SIX1: variants seen among roughly 807,000 people sequenced by gnomAD.
The protein encoded by SIX1 is homeobox protein SIX1.
SIX1 carries 11 observed loss-of-function variants against 26.5 expected under a neutral mutation model. The ratio of observed to expected loss-of-function variants is 0.41; its 90% CI spans 0.26 to 0.69. The LOEUF (loss-of-function observed/expected upper bound fraction) is 0.69. Among genes scored for constraint, SIX1 ranks in the 30% least tolerant of loss-of-function variants. SIX1 has a pLI of 0.28. For synonymous variants in SIX1, 177 were observed against 166.2 expected (o/e 1.06, Z -0.50); for missense variants, 333 against 365.9 (o/e 0.91, Z 0.73).
chr14:60,646,495 T>TG lies in SIX1; in HGVS notation c.642dup (p.Ser215GlnfsTer91), dbSNP rs1894943577. 1 of 1,613,642 alleles carries TG rather than the reference T, an allele frequency of 6.2e-7. No individual in the cohort carries two copies. The highest frequency in any genetic ancestry group is 8.5e-7 in the Non-Finnish European group (1 of 1,179,938). On this transcript the variant is annotated frameshift_variant, in exon 2 of 2. Transcript: ENST00000645694. LOFTEE classifies it high-confidence loss of function. The stretch of plus-strand genomic sequence containing the variant: ...GGAGGTGAGAATTCCTCTTCTGAGC[T>TG]GGACATGAGCGGCTTGCCCCCTTCC...
intron 1 of SIX1, 114 bp from the exon 2 acceptor site, chr14:60,646,691 G>A: frequency 1.1e-6 from 1 of 930,946 alleles, no homozygotes; most frequent in Non-Finnish European, 1.6e-6. Flanking sequence ...AAGGGCCATT[G>A]TGCAATCTGT....
rs1260147816 is a variant in SIX1 at position 60,647,945 on chromosome 14, C to G, written c.560+685G>C. ...CGTCTGGGCATGCGGCGCGGTCAGC[C>G]AGACCGACGGGCTGCAGTGCCGGGC... On this transcript the variant is annotated intron_variant, in intron 1 of 1. Coordinates refer to ENST00000645694, the MANE Select transcript of SIX1 (RefSeq NM_005982.4). This position sits in a 1 kb window ranked among gnomAD's most constrained non-coding sequence, Gnocchi z 5.1. Among the ~76,000 whole-genome samples the G allele has an allele frequency of 6.6e-6, 1 of 152,256 alleles. No homozygotes were observed. Among genetic ancestry groups the G allele is most frequent in the Admixed American group, 6.5e-5 (1 of 15,288 alleles).
In SIX1 at chr14:60,649,350, C is replaced by G. The variant is rs886050573; in HGVS notation, c.-161G>C. ...GGAGTCGGAACTTGGCGGTGGGCGG[C>G]CAAGGAAGAGAAGGCGGAGGAGTAG... On this transcript the variant is annotated 5_prime_UTR_variant, in exon 1 of 2. Transcript: ENST00000645694. The surrounding 1 kb of genome is among the most constrained non-coding windows in gnomAD (Gnocchi z 5.1). 4.1e-5 allele frequency: 26 copies of G among 636,072 alleles called. No homozygotes were observed. The highest frequency in any genetic ancestry group is 7.0e-5 in the Non-Finnish European group (26 of 369,000). The allele number at this position is 636,072 out of a possible 1,614,324, so 39.4% of individuals were successfully genotyped here.
At position 60,644,621 on chromosome 14, in the gene SIX1, T is replaced by A. The variant is rs754653439; in HGVS notation, c.*1662A>T. 2.0e-5 allele frequency: 3 copies of A among 152,186 alleles called. No individual in the cohort carries two copies. Among genetic ancestry groups the A allele is most frequent in the Non-Finnish European group, 4.4e-5 (3 of 68,030 alleles). 9.4% of individuals were successfully genotyped at this position (152,186 alleles called of 1,614,324 possible). A position where few individuals can be genotyped will look rare whatever the true frequency, so the allele number is the denominator to read the frequency against. Reference sequence around the variant, plus strand: ...AATTATAGATGGGAAAAAATCAAAATTATGAAACTGTCATGTCAGAAAATA... The same window carrying A: ...AATTATAGATGGGAAAAAATCAAAAATATGAAACTGTCATGTCAGAAAATA... On this transcript the variant is annotated 3_prime_UTR_variant, in exon 2 of 2. Coordinates refer to ENST00000645694, the MANE Select transcript of SIX1 (RefSeq NM_005982.4).
rs757802086 is a variant in SIX1 at position 60,644,999 on chromosome 14, G to C, written c.*1284C>G. 2.0e-5 allele frequency: 3 copies of C among 152,102 alleles called. No individual in the cohort carries two copies. The highest frequency in any genetic ancestry group is 4.4e-5 in the Non-Finnish European group (3 of 68,014). 9.4% of individuals were successfully genotyped at this position (152,102 alleles called of 1,614,324 possible). On this transcript the variant is annotated 3_prime_UTR_variant, in exon 2 of 2. Coordinates refer to ENST00000645694, the MANE Select transcript of SIX1 (RefSeq NM_005982.4). ...TTGTCATAAACTTGTTAACACAAAA[G>C]AGCTTAGTTAACATATGAATGCTGT...
rs1301445039 is a variant in SIX1 at position 60,646,330 on chromosome 14, A to T, written c.808T>A (p.Ser270Thr). ...LQTHQHQLQD[S>T]LLGPLTSSLV... ...CTGGAGGTGAGGGGGCCGAGCAGAG[A>T]GTCTTGGAGCTGATGCTGGTGGGTC... The change falls in exon 2 of 2, where the codon TCT becomes ACT. Residue 270 changes from serine (S) to threonine (T), a missense_variant. By Grantham distance (58) the Ser-to-Thr change is moderately conservative. Coordinates refer to ENST00000645694, the MANE Select transcript of SIX1 (RefSeq NM_005982.4). 10 of 1,613,548 alleles carry T rather than the reference A, an allele frequency of 6.2e-6. No homozygotes were observed. The highest frequency in any genetic ancestry group is 7.6e-6 in the Non-Finnish European group (9 of 1,179,738).
rs1894969668 is a variant in SIX1, at chr14:60,647,492, C to CGA, written c.561-917_561-916dup. On this transcript the variant is annotated intron_variant, in intron 1 of 1. Transcript: ENST00000645694. The surrounding 1 kb of genome is among the most constrained non-coding windows in gnomAD (Gnocchi z 5.1). ...CGCTTCCCTCGCCGCTTCCGCCTTC[C>CGA]GAGTGCTCGTCAGTCCTCCCGACTC... Among the ~76,000 whole-genome samples, 1 of 152,338 alleles carries CGA rather than the reference C, an allele frequency of 6.6e-6. No individual in the cohort carries two copies. Among genetic ancestry groups the CGA allele is most frequent in the East Asian group, 1.9e-4 (1 of 5,182 alleles).
In SIX1 at chr14:60,647,070, G is replaced by C. The variant is rs144237114; in HGVS notation, c.561-493C>G. On this transcript the variant is annotated intron_variant, in intron 1 of 1. Transcript: ENST00000645694. This position sits in a 1 kb window ranked among gnomAD's most constrained non-coding sequence, Gnocchi z 5.1. ...CCATTGCCTTGTTCGCATATGAGGA[G>C]ACAATTAAACATCCCGTTTTCCTGC... 3.9e-5 allele frequency among the ~76,000 whole-genome samples: 6 copies of C among 152,278 alleles called. No homozygotes were observed. The East Asian group carries it at 1.2e-3, about 29-fold the overall frequency.
In SIX1 at chr14:60,644,951, AAATT is replaced by A; in HGVS notation, c.*1328_*1331del. On this transcript the variant is annotated 3_prime_UTR_variant, in exon 2 of 2. Transcript: ENST00000645694. The stretch of plus-strand genomic sequence containing the variant: ...TTCCCTTTTTTGTCTTCAAGCAGAT[AAATT>A]ATTTTTACTTTCACAGTCTTGTCAT... 6.6e-6 allele frequency: 1 copy of A among 152,360 alleles called. No individual in the cohort carries two copies. Among genetic ancestry groups the A allele is most frequent in the Admixed American group, 6.5e-5 (1 of 15,306 alleles). 9.4% of individuals were successfully genotyped at this position (152,360 alleles called of 1,614,324 possible).
At chr14:60,646,607 T>TAAAAAAAAAAAAAAAAAAAAAAAGA in intron 1 of SIX1, 30 bp from the exon 2 acceptor site, 2 of 831,216 alleles carry the variant, frequency 2.4e-6, no homozygotes, top group Non-Finnish European at 3.4e-6. Context: ...ACCATATGGT[T>TAAAAAAAAAAAAAAAAAAAAAAAGA]AAAAAAAAAA....
chr14:60,643,743 A>C lies in SIX1; in HGVS notation c.*2540T>G, dbSNP rs1453324891. The C allele has an allele frequency of 1.1e-4, 16 of 152,332 alleles. No individual in the cohort carries two copies. The highest frequency in any genetic ancestry group is 9.1e-4 in the Admixed American group (14 of 15,306). 9.4% of individuals were successfully genotyped at this position (152,332 alleles called of 1,614,324 possible). A position where few individuals can be genotyped will look rare whatever the true frequency, so the allele number is the denominator to read the frequency against. On this transcript the variant is annotated 3_prime_UTR_variant, in exon 2 of 2. Coordinates refer to ENST00000645694, the MANE Select transcript of SIX1 (RefSeq NM_005982.4). ...CTGCTCGCCCCTTTTACCCAGACTG[A>C]GCCGAGGATGGCGGAAGGAGGCACA...
Position 60,648,776 on chromosome 14 carries a change from G to A in SIX1, c.414C>T (p.Val138=), listed in dbSNP as rs572940248. The change falls in exon 1 of 2, where the codon GTC becomes GTT. Residue 138 remains valine (V), a synonymous_variant. Coordinates refer to ENST00000645694, the MANE Select transcript of SIX1 (RefSeq NM_005982.4). The surrounding 1 kb of genome is among the most constrained non-coding windows in gnomAD (Gnocchi z 7.9). ...SYCFKEKSRG[V]LREWYAHNPY... The stretch of plus-strand genomic sequence containing the variant: ...GATTGTGCGCGTACCACTCCCGCAG[G>A]ACACCCCTCGACTTCTCCTTGAAGC... 9 of 1,614,186 alleles carry A rather than the reference G, an allele frequency of 5.6e-6. No individual in the cohort carries two copies. The Admixed American group carries it at 8.3e-5, about 15-fold the overall frequency.
In SIX1 at chr14:60,646,577, C is replaced by T. The variant is rs768168468; in HGVS notation, c.561G>A (p.Arg187=). 1.9e-6 allele frequency: 3 copies of T among 1,595,830 alleles called. No individual in the cohort carries two copies. The highest frequency in any genetic ancestry group is 2.2e-5 in the East Asian group (1 of 44,688). The part of the protein sequence containing the change: ...QRDRAAEAKE[R]ENTENNNSSS... ...AGGAGTTATTGTTTTCGGTGTTCTC[C>T]CTAAGAAATAGAGGACAACACCATA... is the stretch of plus-strand genomic sequence containing the variant. Residue 187 remains arginine (R), a splice_region_variant and synonymous_variant, in exon 2 of 2, where the codon AGG becomes AGA. Coordinates refer to ENST00000645694, the MANE Select transcript of SIX1 (RefSeq NM_005982.4).
chr14:60,649,114 T>G lies in SIX1; in HGVS notation c.76A>C (p.Asn26His). The G allele has an allele frequency of 1.2e-6, 2 of 1,613,256 alleles. No individual in the cohort carries two copies. The highest frequency in any genetic ancestry group is 1.7e-6 in the Non-Finnish European group (2 of 1,179,752). The change falls in exon 1 of 2, where the codon AAC becomes CAC. Residue 26 changes from asparagine to histidine, a missense_variant. Asn to His is a moderately conservative substitution (Grantham distance 68). Transcript: ENST00000645694. This position sits in a 1 kb window ranked among gnomAD's most constrained non-coding sequence, Gnocchi z 5.1. The stretch of plus-strand genomic sequence containing the variant: ...AGGAACCTGCCCAGGCGCTCCAGGT[T>G]TCCGCCTTGCTGCAGAACCTCGCAC... ...CVCEVLQQGG[N>H]LERLGRFLWS... is the part of the protein sequence containing the mutation.
In SIX1 at chr14:60,643,963, T is replaced by C. The variant is rs1222111875; in HGVS notation, c.*2320A>G. 1 of 152,012 alleles carries C rather than the reference T, an allele frequency of 6.6e-6. No homozygotes were observed. Among genetic ancestry groups the C allele is most frequent in the Non-Finnish European group, 1.5e-5 (1 of 68,022 alleles). 9.4% of individuals were successfully genotyped at this position (152,012 alleles called of 1,614,324 possible). On this transcript the variant is annotated 3_prime_UTR_variant, in exon 2 of 2. Coordinates refer to ENST00000645694, the MANE Select transcript of SIX1 (RefSeq NM_005982.4). Reference sequence around the variant, plus strand: ...GCAGACATTTCCAAGATTCACCAACTAAGGGAGCAGGAAGTGGGCCGGGGC... The same window carrying C: ...GCAGACATTTCCAAGATTCACCAACCAAGGGAGCAGGAAGTGGGCCGGGGC...
chr14:60,649,365 C>T lies in SIX1; in HGVS notation c.-176G>A. 2 of 613,756 alleles carry T rather than the reference C, an allele frequency of 3.3e-6. No individual in the cohort carries two copies. Among genetic ancestry groups the T allele is most frequent in the Non-Finnish European group, 5.7e-6 (2 of 349,216 alleles). 38.0% of individuals were successfully genotyped at this position (613,756 alleles called of 1,614,324 possible). The stretch of plus-strand genomic sequence containing the variant: ...CGGTGGGCGGCCAAGGAAGAGAAGG[C>T]GGAGGAGTAGGGGAGGTTCTGGACA... On this transcript the variant is annotated 5_prime_UTR_variant, in exon 1 of 2. Transcript: ENST00000645694. This position sits in a 1 kb window ranked among gnomAD's most constrained non-coding sequence, Gnocchi z 5.1.
rs1397666706 is a variant in SIX1, at chr14:60,644,405, C to G, written c.*1878G>C. 1 of 151,726 alleles carries G rather than the reference C, an allele frequency of 6.6e-6. No homozygotes were observed. Among genetic ancestry groups the G allele is most frequent in the East Asian group, 1.9e-4 (1 of 5,194 alleles). The allele number at this position is 151,726 out of a possible 1,614,324, so 9.4% of individuals were successfully genotyped here. On this transcript the variant is annotated 3_prime_UTR_variant, in exon 2 of 2. Coordinates refer to ENST00000645694, the MANE Select transcript of SIX1 (RefSeq NM_005982.4). ...AGTGGCTGTGTGCACATCTGTCCAT[C>G]ACTGAGGGGGAAAAACGACTTTATA...
chr14:60,643,767 C>T lies in SIX1; in HGVS notation c.*2516G>A, dbSNP rs1894896788. 6.6e-6 allele frequency: 1 copy of T among 152,192 alleles called. No homozygotes were observed. Among genetic ancestry groups the T allele is most frequent in the Non-Finnish European group, 1.5e-5 (1 of 68,038 alleles). 9.4% of individuals were successfully genotyped at this position (152,192 alleles called of 1,614,324 possible). A position where few individuals can be genotyped will look rare whatever the true frequency, so the allele number is the denominator to read the frequency against. ...GAGCCGAGGATGGCGGAAGGAGGCA[C>T]ATTGTGCAATTTCTTATTAAACACA... On this transcript the variant is annotated 3_prime_UTR_variant, in exon 2 of 2. Coordinates refer to ENST00000645694, the MANE Select transcript of SIX1 (RefSeq NM_005982.4).
In SIX1 at chr14:60,649,454, A is replaced by T. The variant is rs1180277866; in HGVS notation, c.-265T>A. Reference sequence around the variant, plus strand: ...CTGCCTCCGACCTCCCGCCCGGTGGATGCTGCTAGTTGCCGGGGAACTTGG... The same window carrying T: ...CTGCCTCCGACCTCCCGCCCGGTGGTTGCTGCTAGTTGCCGGGGAACTTGG... On this transcript the variant is annotated 5_prime_UTR_variant, in exon 1 of 2. Coordinates refer to ENST00000645694, the MANE Select transcript of SIX1 (RefSeq NM_005982.4). The surrounding 1 kb of genome is among the most constrained non-coding windows in gnomAD (Gnocchi z 5.1). The T allele has an allele frequency of 1.4e-5, 6 of 416,282 alleles. No individual in the cohort carries two copies. In the East Asian group the frequency reaches 2.4e-4, roughly 16 times the overall value. The allele number at this position is 416,282 out of a possible 1,614,324, so 25.8% of individuals were successfully genotyped here.
Sources: allele counts gnomAD v4.1 joint callset (sites outside exome capture counted in the v4.1 genomes callset), GRCh38; gene constraint gnomAD v4.1.1; non-coding constraint Gnocchi (gnomAD v3.1); transcripts MANE v1.5; gene names NCBI Gene and HGNC (gene_info 2026-07-23, HGNC 2026-07-21).